SETD9: variants seen among roughly 807,000 people sequenced by gnomAD.
The protein encoded by SETD9 is SET domain containing 9, also known as SET domain-containing protein 9.
Under a neutral mutation model 36.4 loss-of-function variants are expected in SETD9, and 37 were observed. That is an observed-to-expected ratio of 1.02 (90% confidence interval 0.78 to 1.34). SETD9 has a LOEUF of 1.34. SETD9 is among the 40% of genes most tolerant of loss of function. The pLI is 0.00. For missense variants in SETD9, 323 were observed against 353.2 expected, an observed-to-expected ratio of 0.91 and a Z score of 0.69; for synonymous variants, 128 against 132.9, an observed-to-expected ratio of 0.96 and a Z score of 0.26.
At chr5:56,909,309 C>T (rs1748964207), upstream of SETD9, 1 of 222,884 alleles carries the variant, frequency 4.5e-6, no homozygotes, top group Non-Finnish European at 8.8e-6. Context: ...GACGCGGTCT[C>T]GGGGGCGGGT....
downstream of SETD9, among the ~76,000 whole-genome samples, chr5:56,919,124 TTC>T (rs1320173301): frequency 2.9e-3 from 232 of 79,024 alleles, 1 homozygote; most frequent in African/African-American, 2.8e-3. Context: ...ACTTTGGGAC[TTC>T]TTTTTTTTTT....
chr5:56,915,692 G>A (rs532199905), intron 5 of SETD9, among the ~76,000 whole-genome samples: 1 of 152,096 alleles, frequency 6.6e-6, no homozygotes, highest in Non-Finnish European at 1.5e-5. Flanking sequence ...GGCCAGACAC[G>A]GTACCTCAAG....
downstream of SETD9, among the ~76,000 whole-genome samples, chr5:56,918,357 T>C (rs191764078): frequency 8.8e-4 from 134 of 152,292 alleles, 1 homozygote; most frequent in Non-Finnish European, 1.8e-3. Flanking sequence ...GTGAGGAGCG[T>C]TGCCTCATCA....
In SETD9 at chr5:56,911,154, T is replaced by C. The variant is rs1463021996; in HGVS notation, c.99-15T>C. On this transcript the variant is annotated splice_polypyrimidine_tract_variant and intron_variant, in intron 1 of 5. Transcript: ENST00000285947. ...CAGTTGAAGGGTAGTGAATAGAAAC[T>C]TTTCCCATTTTCAGGACCCTCCGAT... 2.0e-6 allele frequency: 3 copies of C among 1,521,878 alleles called. No homozygotes were observed. The highest frequency in any genetic ancestry group is 4.6e-5 in the Admixed American group (2 of 43,298). The allele number at this position is 1,521,878 out of a possible 1,614,324, so 94.3% of individuals were successfully genotyped here. A position where few individuals can be genotyped will look rare whatever the true frequency, so the allele number is the denominator to read the frequency against.
In SETD9 at chr5:56,915,212, C is replaced by T. The variant is rs188643681; in HGVS notation, c.812+246C>T. Among the ~76,000 whole-genome samples, 7 of 152,076 alleles carry T rather than the reference C, an allele frequency of 4.6e-5. No individual in the cohort carries two copies. The East Asian group carries it at 5.8e-4, about 13-fold the overall frequency. On this transcript the variant is annotated intron_variant, in intron 5 of 5. Coordinates refer to ENST00000285947, the MANE Select transcript of SETD9 (RefSeq NM_153706.4). Reference sequence around the variant, plus strand: ...TCTATGGCAATACTTCATAAGTATCCACCTTAAAGTTTTTTCAAATAATTC... The same window carrying T: ...TCTATGGCAATACTTCATAAGTATCTACCTTAAAGTTTTTTCAAATAATTC...
At chr5:56,923,255 G>T in intron 5 of SETD9, 1 of 1,614,120 alleles carries the variant, frequency 6.2e-7, no homozygotes, top group Non-Finnish European at 8.5e-7. Context: ...GATGTGATGT[G>T]TGTGATTTTC....
In SETD9 at chr5:56,911,539, A is replaced by G; in HGVS notation, c.466+3A>G. The G allele has an allele frequency of 6.5e-7, 1 of 1,536,746 alleles. No homozygotes were observed. Among genetic ancestry groups the G allele is most frequent in the Middle Eastern group, 1.8e-4 (1 of 5,706 alleles). On this transcript the variant is annotated splice_donor_region_variant and intron_variant, in intron 2 of 5. Coordinates refer to ENST00000285947, the MANE Select transcript of SETD9 (RefSeq NM_153706.4). The stretch of plus-strand genomic sequence containing the variant: ...CGCAGTCGTATCTATGTATCCTGGT[A>G]ACAGCACGATTAATATTATACTTTG...
chr5:56,925,303 AG>A, intron 5 of SETD9: 1 of 454,118 alleles, frequency 2.2e-6, no homozygotes, highest in Non-Finnish European at 4.4e-6. Flanking sequence ...CAGATTGGGA[AG>A]GAAGAAATAA....
Position 56,916,949 on chromosome 5 carries a change from T to G in SETD9, c.*47T>G. 2 of 1,545,290 alleles carry G rather than the reference T, an allele frequency of 1.3e-6. No homozygotes were observed. Among genetic ancestry groups the G allele is most frequent in the Non-Finnish European group, 1.7e-6 (2 of 1,153,534 alleles). The stretch of plus-strand genomic sequence containing the variant: ...AGGTTTTCTACTCAGCTATTAATTC[T>G]AAGTGTTTTTTGTTAATCACTTCTC... On this transcript the variant is annotated 3_prime_UTR_variant, in exon 6 of 6. Coordinates refer to ENST00000285947, the MANE Select transcript of SETD9 (RefSeq NM_153706.4).
chr5:56,913,945 A>G lies in SETD9; in HGVS notation c.662A>G (p.His221Arg), dbSNP rs755384630. The G allele has an allele frequency of 2.5e-6, 4 of 1,614,042 alleles. No individual in the cohort carries two copies. Among genetic ancestry groups the G allele is most frequent in the Non-Finnish European group, 3.4e-6 (4 of 1,179,914 alleles). Reference protein sequence around the residue: ...SDSTWLTSEIHNPLAVGQYVN... With the variant: ...SDSTWLTSEIRNPLAVGQYVN... The stretch of plus-strand genomic sequence containing the variant: ...AGTACATGGCTAACGTCAGAAATTC[A>G]TAACCCTCTGGCTGTGGGACAGTAT... Residue 221 changes from histidine (H) to arginine (R), a missense_variant, in exon 4 of 6, where the codon CAT becomes CGT. Physicochemically the swap from His to Arg is conservative, Grantham distance 29 (BLOSUM62 0). Coordinates refer to ENST00000285947, the MANE Select transcript of SETD9 (RefSeq NM_153706.4).
chr5:56,913,280 C>G, intron 3 of SETD9, 146 bp downstream of exon 3: 5 of 957,132 alleles, frequency 5.2e-6, no homozygotes, highest in Middle Eastern at 2.9e-4. Context: ...TTTTGAACTC[C>G]TGGCCTCAAG....
chr5:56,927,663 C>A (rs1750058621), downstream of SETD9, among the ~76,000 whole-genome samples: 1 of 151,956 alleles, frequency 6.6e-6, no homozygotes, highest in Admixed American at 6.6e-5. Context: ...TTTCAACATC[C>A]TACATTGGAG....
chr5:56,910,166 C>T, intron 1 of SETD9: 4 of 1,222,506 alleles, frequency 3.3e-6, no homozygotes, highest in Non-Finnish European at 4.2e-6. Flanking sequence ...TTTAAAAAGA[C>T]TGCCCTTACC....
chr5:56,924,892 A>G (rs1749886582), intron 5 of SETD9, among the ~76,000 whole-genome samples: 2 of 152,230 alleles, frequency 1.3e-5, no homozygotes, highest in African/African-American at 4.8e-5. Context: ...TAATATGGGA[A>G]TAAGCTTTTT....
At chr5:56,927,708 C>T (rs528488656), downstream of SETD9, among the ~76,000 whole-genome samples, 1 of 152,224 alleles carries the variant, frequency 6.6e-6, no homozygotes, top group African/African-American at 2.4e-5. Flanking sequence ...TGTACCTACA[C>T]TGACACATCA....
At chr5:56,914,446 G>A (rs997826054) in intron 4 of SETD9, among the ~76,000 whole-genome samples, 1 of 152,050 alleles carries the variant, frequency 6.6e-6, no homozygotes, top group East Asian at 1.9e-4. Flanking sequence ...TGGCGTTAGT[G>A]AGAAACGAAG....
chr5:56,923,126 G>A (rs752251400), intron 5 of SETD9: 1 of 1,611,332 alleles, frequency 6.2e-7, no homozygotes, highest in Non-Finnish European at 8.5e-7. Context: ...TCCTCACTCA[G>A]GTCACTCAGA....
Position 56,917,047 on chromosome 5 carries a change from ATATTT to A in SETD9, c.*146_*150del, listed in dbSNP as rs1431012582. ...AATTTCTTATGTTTTTGTTGATATT[ATATTT>A]ATGTTCCAATTTCATGATAAAAGCT... On this transcript the variant is annotated 3_prime_UTR_variant, in exon 6 of 6. Transcript: ENST00000285947. The A allele has an allele frequency of 5.3e-6, 7 of 1,325,820 alleles. No individual in the cohort carries two copies. The African/African-American group carries it at 7.7e-5, about 15-fold the overall frequency. 82.1% of individuals were successfully genotyped at this position (1,325,820 alleles called of 1,614,324 possible).
chr5:56,909,404 A>G (rs1313956655), upstream of SETD9: 1 of 400,770 alleles, frequency 2.5e-6, no homozygotes, highest in Non-Finnish European at 4.4e-6. Flanking sequence ...CGACCGGAGA[A>G]AGAAAAAGTG....
Sources: gnomAD v4.1 joint callset for allele counts (sites outside exome capture counted in the v4.1 genomes callset) on GRCh38, gnomAD v4.1.1 for gene constraint, MANE v1.5 for transcripts, NCBI Gene and HGNC (gene_info 2026-07-23, HGNC 2026-07-21) for gene names.